SLIT2: variants seen among roughly 807,000 people sequenced by gnomAD.
SLIT2 encodes the protein slit homolog 2 protein.
SLIT2 carries 41 observed loss-of-function variants against 185.7 expected under a neutral mutation model. The ratio of observed to expected loss-of-function variants is 0.22; its 90% confidence interval spans 0.17 to 0.29. The LOEUF (loss-of-function observed/expected upper bound fraction) is 0.29, where lower values mean the gene tolerates loss of function less well. Among genes scored for constraint, SLIT2 ranks in the 10% least tolerant of loss-of-function variants. The pLI is 1.00. For synonymous variants in SLIT2, 693 were observed against 680.2 expected, an observed-to-expected ratio of 1.02 and a Z score of -0.29; for missense variants, 1,571 against 1,909.0, an observed-to-expected ratio of 0.82 and a Z score of 3.30.
intron 4 of SLIT2, chr4:20,392,233 A>G (rs192811154): frequency 6.6e-6 from 1 of 152,194 alleles, no homozygotes; most frequent in East Asian, 1.9e-4. Context: ...ATGGCACTAT[A>G]TGGAATACTG....
chr4:20,455,808 A>G (rs1484916433), intron 4 of SLIT2, among the ~76,000 whole-genome samples: 1 of 152,164 alleles, frequency 6.6e-6, no homozygotes, highest in African/African-American at 2.4e-5. Flanking sequence ...TTATATCTCA[A>G]TAAAGCTGAT....
intron 29 of SLIT2, among the ~76,000 whole-genome samples, chr4:20,576,081 C>G (rs1342571479): frequency 6.6e-6 from 1 of 152,184 alleles, no homozygotes; most frequent in Middle Eastern, 3.2e-3. Flanking sequence ...TGGTAAATGT[C>G]TATACTCTGG....
chr4:20,337,088 T>A (rs1720569612), intron 4 of SLIT2, among the ~76,000 whole-genome samples: 1 of 152,220 alleles, frequency 6.6e-6, no homozygotes, highest in African/African-American at 2.4e-5. Context: ...AGTAGTTACA[T>A]ATTTTTATCA....
At chr4:20,574,478 G>A (rs189594036) in intron 29 of SLIT2, among the ~76,000 whole-genome samples, 1 of 152,246 alleles carries the variant, frequency 6.6e-6, no homozygotes, top group South Asian at 2.1e-4. Context: ...TTTGCAGTTG[G>A]ATTATGAGGA....
intron 4 of SLIT2, among the ~76,000 whole-genome samples, chr4:20,460,256 G>A (rs1713557149): frequency 6.6e-6 from 1 of 151,908 alleles, no homozygotes; most frequent in South Asian, 2.1e-4. Flanking sequence ...AATAAGATGA[G>A]TTAACATCCC....
chr4:20,307,160 C>CTCCTTCCTTCTTTCCTTCCTTCCT (rs1717644665), intron 4 of SLIT2, among the ~76,000 whole-genome samples: 1 of 24,260 alleles, frequency 4.1e-5, no homozygotes, highest in African/African-American at 1.5e-4. Context: ...CCCTCCCTCC[C>CTCCTTCCTTCTTTCCTTCCTTCCT]TCCTTCCTTC....
chr4:20,429,221 T>C (rs892792591), intron 4 of SLIT2, among the ~76,000 whole-genome samples: 1 of 152,016 alleles, frequency 6.6e-6, no homozygotes, highest in African/African-American at 2.4e-5. Flanking sequence ...CGGTGCGAGT[T>C]TATCGGTTCC....
At chr4:20,388,823 A>C (rs1337169363) in intron 4 of SLIT2, among the ~76,000 whole-genome samples, 1 of 145,818 alleles carries the variant, frequency 6.9e-6, no homozygotes, top group Admixed American at 7.0e-5. Context: ...TGTAAAATAT[A>C]TATAATATAT....
At chr4:20,422,272 A>G (rs1325145926) in intron 4 of SLIT2, among the ~76,000 whole-genome samples, 3 of 152,228 alleles carry the variant, frequency 2.0e-5, no homozygotes, top group Non-Finnish European at 4.4e-5. Context: ...AGATGAGATC[A>G]TAATTAATCC....
intron 4 of SLIT2, among the ~76,000 whole-genome samples, chr4:20,326,961 TAAC>T (rs1201476272): frequency 6.6e-6 from 1 of 151,876 alleles, no homozygotes; most frequent in Non-Finnish European, 1.5e-5. Flanking sequence ...TATTAGGAAA[TAAC>T]AAGATAATTA....
chr4:20,525,414 A>G (rs760669978), intron 15 of SLIT2, among the ~76,000 whole-genome samples: 1 of 152,096 alleles, frequency 6.6e-6, no homozygotes, highest in Non-Finnish European at 1.5e-5. Flanking sequence ...TTGGCGCATT[A>G]TCTAAAATTT....
intron 8 of SLIT2, chr4:20,490,749 A>G (rs1352549918): frequency 1.7e-6 from 2 of 1,192,650 alleles, no homozygotes; most frequent in East Asian, 5.1e-5. Context: ...AATGACTAAC[A>G]GTTCGTTACT....
At chr4:20,514,768 T>G (rs2148831953) in intron 11 of SLIT2, among the ~76,000 whole-genome samples, 1 of 152,028 alleles carries the variant, frequency 6.6e-6, no homozygotes, top group East Asian at 1.9e-4. Context: ...CTATACTTTT[T>G]TTTATTAACA....
intron 33 of SLIT2, among the ~76,000 whole-genome samples, chr4:20,602,077 T>A (rs1302817291): frequency 6.6e-6 from 1 of 152,160 alleles, no homozygotes; most frequent in Non-Finnish European, 1.5e-5. Flanking sequence ...CTATAGGGTA[T>A]TTTTGGTTAA....
intron 29 of SLIT2, among the ~76,000 whole-genome samples, chr4:20,579,013 A>G (rs905590945): frequency 6.6e-5 from 10 of 152,090 alleles, no homozygotes; most frequent in Non-Finnish European, 1.3e-4. Flanking sequence ...TAGTCCAGCC[A>G]AGGTGGGCAC....
intron 4 of SLIT2, among the ~76,000 whole-genome samples, chr4:20,318,755 A>G (rs1303064910): frequency 6.6e-6 from 1 of 152,090 alleles, no homozygotes; most frequent in Non-Finnish European, 1.5e-5. Flanking sequence ...GTAACTTGAC[A>G]TGTTTCTTTA....
intron 9 of SLIT2, among the ~76,000 whole-genome samples, chr4:20,507,783 T>G (rs557277611): frequency 6.6e-6 from 1 of 152,024 alleles, no homozygotes. Flanking sequence ...TACTAGTCAC[T>G]GAGAGCTATT....
intron 15 of SLIT2, among the ~76,000 whole-genome samples, chr4:20,526,749 T>C (rs1286286071): frequency 6.6e-6 from 1 of 152,208 alleles, no homozygotes; most frequent in African/African-American, 2.4e-5. Context: ...TTAATTTACA[T>C]TCTTTAAACA....
rs558392262 is a variant in SLIT2, at chr4:20,462,438, A to T, written c.396-5314A>T. 3.9e-4 allele frequency among the ~76,000 whole-genome samples: 60 copies of T among 152,240 alleles called. No homozygotes were observed. In the Middle Eastern group the frequency reaches 0.017, roughly 43 times the overall value. ...TTGTTAGCATGCTCCTCTTTTCCAAACAGTTTTTCCATTGTTGTTTGCTTA... is the reference window on the plus strand; with the variant it reads ...TTGTTAGCATGCTCCTCTTTTCCAATCAGTTTTTCCATTGTTGTTTGCTTA... On this transcript the variant is annotated intron_variant, in intron 4 of 36. Coordinates refer to ENST00000504154, the MANE Select transcript of SLIT2 (RefSeq NM_004787.4).
Sources: gnomAD v4.1 joint callset for allele counts (sites outside exome capture counted in the v4.1 genomes callset) on GRCh38, gnomAD v4.1.1 for gene constraint, MANE v1.5 for transcripts, NCBI Gene and HGNC (gene_info 2026-07-23, HGNC 2026-07-21) for gene names.